The following PATJ variants were observed in gnomAD, a reference collection of about 807,000 sequenced individuals.
PATJ encodes inaD-like protein.
Under a neutral mutation model 224.9 loss-of-function variants are expected in PATJ, and 190 were observed. The observed-to-expected ratio is 0.84, with a 90% CI of 0.75 to 0.95. The LOEUF is 0.95. Ranked by LOEUF, PATJ falls within the 40% of genes least tolerant of loss-of-function variation. The pLI is 0.00. For missense variants in PATJ, 2,121 were observed against 2,270.3 expected, an observed-to-expected ratio of 0.93 and a Z score of 1.34; for synonymous variants, 769 against 820.3, an observed-to-expected ratio of 0.94 and a Z score of 1.07.
At chr1:62,015,235 C>T (rs1443242486) in intron 28 of PATJ, among the ~76,000 whole-genome samples, 4 of 151,282 alleles carry the variant, frequency 2.6e-5, no homozygotes, top group East Asian at 2.0e-4. Context: ...ACCTTGGAGG[C>T]GGAGGTTGCA....
intron 28 of PATJ, among the ~76,000 whole-genome samples, chr1:62,012,203 G>C (rs1034433654): frequency 1.3e-5 from 2 of 152,160 alleles, no homozygotes; most frequent in African/African-American, 4.8e-5. Flanking sequence ...AGAGATGGCT[G>C]TTAGAAATTA....
chr1:61,933,127 T>G (rs1418214641), intron 27 of PATJ, among the ~76,000 whole-genome samples: 1 of 152,162 alleles, frequency 6.6e-6, no homozygotes, highest in African/African-American at 2.4e-5. Flanking sequence ...ATGAAAAAAT[T>G]AAGAAACAAT....
At chr1:61,747,323 T>C (rs1645071579) in intron 1 of PATJ, among the ~76,000 whole-genome samples, 2 of 151,224 alleles carry the variant, frequency 1.3e-5, no homozygotes, top group African/African-American at 4.9e-5. Context: ...AGATCGATGC[T>C]GAAGATGTAG....
At chr1:61,875,143 G>C (rs1257525164) in intron 20 of PATJ, 100 bp from the exon 21 acceptor site, 13 of 677,250 alleles carry the variant, frequency 1.9e-5, no homozygotes, top group Non-Finnish European at 3.2e-5. Context: ...TGTTTGCAAG[G>C]CCAGTTTTCC....
At chr1:62,148,120 T>TAAAAAAAAAAAAAAAAA (rs1558235712) in intron 41 of PATJ, among the ~76,000 whole-genome samples, 164 bp from the exon 42 acceptor site, 3 of 108,498 alleles carry the variant, frequency 2.8e-5, no homozygotes, top group African/African-American at 1.0e-4. Flanking sequence ...GACACTGTCT[T>TAAAAAAAAAAAAAAAAA]TAAAAAAAAA....
chr1:61,748,870 T>C (rs1645171347), intron 1 of PATJ, among the ~76,000 whole-genome samples: 1 of 152,158 alleles, frequency 6.6e-6, no homozygotes, highest in African/African-American at 2.4e-5. Context: ...TAAATCATTT[T>C]GATTGAAAAG....
At chr1:61,914,706 TG>T in intron 26 of PATJ, 42 bp downstream of exon 26, 1 of 1,247,658 alleles carries the variant, frequency 8.0e-7, no homozygotes, top group Non-Finnish European at 1.2e-6. Context: ...GTTTTTGTTT[TG>T]TTTTTGTTTT....
At chr1:62,028,567 TCAGGAATTCAAGAC>T (rs1339815770) in intron 29 of PATJ, among the ~76,000 whole-genome samples, 1 of 150,490 alleles carries the variant, frequency 6.6e-6, no homozygotes, top group Non-Finnish European at 1.5e-5. Context: ...TTGCTTGAGC[TCAGGAATTCAAGAC>T]CAGACTGGGC....
chr1:62,097,026 G>T (rs920251070), intron 33 of PATJ, among the ~76,000 whole-genome samples: 4 of 152,050 alleles, frequency 2.6e-5, no homozygotes, highest in African/African-American at 9.7e-5. Flanking sequence ...ACTTTACTTG[G>T]CATATAACCC....
chr1:61,952,258 G>GAC, intron 27 of PATJ: 1 of 564,750 alleles, frequency 1.8e-6, no homozygotes, highest in Non-Finnish European at 3.3e-6. Flanking sequence ...AAATCTGAGA[G>GAC]AGAGAGAGAG....
chr1:61,786,856 C>T (rs928416988), intron 7 of PATJ, among the ~76,000 whole-genome samples: 9 of 151,902 alleles, frequency 5.9e-5, no homozygotes, highest in African/African-American at 9.7e-5. Flanking sequence ...CGTGGTGGTG[C>T]GCGCCTGTAA....
At chr1:61,941,094 AT>A (rs1303877777) in intron 27 of PATJ, among the ~76,000 whole-genome samples, 1 of 152,218 alleles carries the variant, frequency 6.6e-6, no homozygotes, top group African/African-American at 2.4e-5. Context: ...TGGAATTTTG[AT>A]GCTGTAGGGT....
chr1:61,797,295 C>A lies in PATJ; in HGVS notation c.1269C>A (p.Gly423=). The A allele has an allele frequency of 6.2e-7, 1 of 1,611,836 alleles. No individual in the cohort carries two copies. The highest frequency in any genetic ancestry group is 8.5e-7 in the Non-Finnish European group (1 of 1,178,194). The change falls in exon 11 of 44, where the codon GGC becomes GGA. Residue 423 remains glycine, a synonymous_variant. Transcript: ENST00000642238. The stretch of plus-strand genomic sequence containing the variant: ...TTCTCTTGATGTTTTAGGTCGATGG[C>A]GTGAACATTCAGGGTTTTGCCAACC... ...QVNDKIVAVD[G]VNIQGFANHD... is the part of the protein sequence containing the mutation.
chr1:61,871,465 A>ATATACATATATATGCGTATATATG lies in PATJ; in HGVS notation c.2836-3777_2836-3776insATACATATATATGCGTATATATGT, dbSNP rs1666492393. The stretch of plus-strand genomic sequence containing the variant: ...TATACACATATATATGCGTATATAT[A>ATATACATATATATGCGTATATATG]TGTATATACATATATATGTGTATAT... On this transcript the variant is annotated intron_variant, in intron 20 of 43. Transcript: ENST00000642238. Among the ~76,000 whole-genome samples the ATATACATATATATGCGTATATATG allele has an allele frequency of 2.5e-5, 3 of 119,252 alleles. No homozygotes were observed. In the South Asian group the frequency reaches 7.9e-4, roughly 31 times the overall value. 78.2% of individuals were successfully genotyped at this position (119,252 alleles called of 152,430 possible). A position where few individuals can be genotyped will look rare whatever the true frequency, so the allele number is the denominator to read the frequency against.
intron 14 of PATJ, chr1:61,816,441 T>C (rs1007922925): frequency 1.3e-5 from 2 of 152,204 alleles, no homozygotes; most frequent in South Asian, 2.1e-4. Context: ...GCAGCACATA[T>C]ACTAAAATTG....
At chr1:62,093,720 A>C (rs1661053656) in intron 33 of PATJ, among the ~76,000 whole-genome samples, 2 of 152,334 alleles carry the variant, frequency 1.3e-5, no homozygotes, top group South Asian at 4.1e-4. Context: ...AGCTAAGTCA[A>C]ATTTAATAAA....
At chr1:61,959,426 T>TA (rs371038532) in intron 27 of PATJ, among the ~76,000 whole-genome samples, 53,149 of 99,230 alleles carry the variant, frequency 0.54, 11,523 homozygotes, top group East Asian at 0.78. Context: ...ATATAATATA[T>TA]TTTTTTTCTT....
At chr1:61,878,216 C>A (rs1667599703) in intron 21 of PATJ, among the ~76,000 whole-genome samples, 1 of 152,152 alleles carries the variant, frequency 6.6e-6, no homozygotes, top group African/African-American at 2.4e-5. Context: ...GAGCACCAGT[C>A]CTGCCCTGGT....
At chr1:61,993,832 TC>T (rs1358808558) in intron 28 of PATJ, among the ~76,000 whole-genome samples, 1 of 152,136 alleles carries the variant, frequency 6.6e-6, no homozygotes, top group Non-Finnish European at 1.5e-5. Flanking sequence ...CTTAGAAACT[TC>T]CGGTATCTGT....
Sources: allele counts gnomAD v4.1 joint callset (sites outside exome capture counted in the v4.1 genomes callset), GRCh38; gene constraint gnomAD v4.1.1; transcripts MANE v1.5; gene names NCBI Gene and HGNC (gene_info 2026-07-23, HGNC 2026-07-21).